Variants in MARCHF5 observed in about 807,000 individuals in gnomAD.
The protein encoded by MARCHF5 is membrane associated ring-CH-type finger 5.
Under a neutral mutation model 36.5 loss-of-function variants are expected in MARCHF5, and 5 were observed. That is an observed-to-expected ratio of 0.14 (90% CI 0.07 to 0.29). The LOEUF is 0.29. MARCHF5 is among the 10% of genes least tolerant of loss of function. The pLI, the probability that MARCHF5 is intolerant of heterozygous loss-of-function variation, is 1.00. For synonymous variants in MARCHF5, 103 were observed against 109.9 expected, an observed-to-expected ratio of 0.94 and a Z score of 0.39; for missense variants, 179 against 336.3, an observed-to-expected ratio of 0.53 and a Z score of 3.66.
intron 2 of MARCHF5, among the ~76,000 whole-genome samples, chr10:92,312,384 G>A (rs1000589806): frequency 6.6e-6 from 1 of 152,224 alleles, no homozygotes; most frequent in Non-Finnish European, 1.5e-5. Context: ...AGGGGAAGTA[G>A]TGTAGTAGAG....
At chr10:92,334,690 A>G (rs947987217) in intron 2 of MARCHF5, 1 of 152,218 alleles carries the variant, frequency 6.6e-6, no homozygotes, top group Non-Finnish European at 1.5e-5. Flanking sequence ...TATAAATTTT[A>G]ATTTATATTA....
chr10:92,291,288 C>G lies in MARCHF5; in HGVS notation c.-207C>G, dbSNP rs1448235950. The G allele has an allele frequency of 3.6e-6, 2 of 561,776 alleles. No homozygotes were observed. The highest frequency in any genetic ancestry group is 4.0e-5 in the African/African-American group (2 of 49,776). 34.8% of individuals were successfully genotyped at this position (561,776 alleles called of 1,614,324 possible). A position where few individuals can be genotyped will look rare whatever the true frequency, so the allele number is the denominator to read the frequency against. On this transcript the variant is annotated 5_prime_UTR_variant, in exon 1 of 6. Coordinates refer to ENST00000358935, the MANE Select transcript of MARCHF5 (RefSeq NM_017824.5). The stretch of plus-strand genomic sequence containing the variant: ...GCCGCCTCCCCGCCTCAGGCTCCTC[C>G]TCCTCGCTCTCCGCCGCCTCCGCCG...
rs563002192 is a variant in MARCHF5 at position 92,314,063 on chromosome 10, C to A, written c.238+2726C>A. Among the ~76,000 whole-genome samples the A allele has an allele frequency of 4.0e-4, 61 of 152,072 alleles. 1 individual carries two copies. The highest frequency in any genetic ancestry group is 3.9e-3 in the Admixed American group (59 of 15,266). On this transcript the variant is annotated intron_variant, in intron 2 of 5. Transcript: ENST00000358935. ...GAAAAAGAAAAAGAAAAAAAATTAG[C>A]CAAGTGTGATGGAGCACACCTGTTG...
At chr10:92,344,246 A>C (rs1030848144) in intron 3 of MARCHF5, among the ~76,000 whole-genome samples, 4 of 152,214 alleles carry the variant, frequency 2.6e-5, no homozygotes, top group African/African-American at 4.8e-5. Context: ...ACTGGAGAAC[A>C]GTTACAGGTT....
intron 3 of MARCHF5, among the ~76,000 whole-genome samples, chr10:92,345,401 A>G (rs2135218562): frequency 6.6e-6 from 1 of 152,224 alleles, no homozygotes; most frequent in Middle Eastern, 3.4e-3. Flanking sequence ...GCTACTCCGG[A>G]TGCTGAGGCG....
intron 1 of MARCHF5, among the ~76,000 whole-genome samples, chr10:92,310,189 C>G (rs1843127030): frequency 6.6e-6 from 1 of 152,208 alleles, no homozygotes; most frequent in East Asian, 1.9e-4. Flanking sequence ...CTGACAGAAG[C>G]CACTTATCCA....
chr10:92,351,165 A>G lies in MARCHF5; in HGVS notation c.795A>G (p.Ala265=), dbSNP rs371538248. 6.2e-7 allele frequency: 1 copy of G among 1,613,686 alleles called. No homozygotes were observed. The highest frequency in any genetic ancestry group is 1.7e-5 in the Admixed American group (1 of 59,984). ...AACAGCAGCAATATTTACGACAGGC[A>G]CACCGCAAAATTCTGAATTATCCAG... ...YFKQQQYLRQ[A]HRKILNYPEQ... is the part of the protein sequence containing the mutation. The change falls in exon 6 of 6, where the codon GCA becomes GCG. Residue 265 remains alanine (A), a synonymous_variant. Coordinates refer to ENST00000358935, the MANE Select transcript of MARCHF5 (RefSeq NM_017824.5).
Position 92,291,333 on chromosome 10 carries a change from C to T in MARCHF5, c.-162C>T, listed in dbSNP as rs1470392720. ...CCGCCGGACTCCCGCAGGCCCTGCA[C>T]CGCCGCCGCCAGGCTAGCGGAGCTG... On this transcript the variant is annotated 5_prime_UTR_variant, in exon 1 of 6. Coordinates refer to ENST00000358935, the MANE Select transcript of MARCHF5 (RefSeq NM_017824.5). The T allele has an allele frequency of 3.0e-6, 2 of 674,568 alleles. No homozygotes were observed. Among genetic ancestry groups the T allele is most frequent in the South Asian group, 1.7e-5 (1 of 59,574 alleles). The allele number at this position is 674,568 out of a possible 1,614,324, so 41.8% of individuals were successfully genotyped here. A position where few individuals can be genotyped will look rare whatever the true frequency, so the allele number is the denominator to read the frequency against.
chr10:92,337,932 G>A (rs932213347), intron 2 of MARCHF5, among the ~76,000 whole-genome samples: 1 of 151,914 alleles, frequency 6.6e-6, no homozygotes, highest in Non-Finnish European at 1.5e-5. Context: ...CTAGCACTTT[G>A]GGAAACTGAA....
In MARCHF5 at chr10:92,349,813, C is replaced by T. The variant is rs1332023849; in HGVS notation, c.696C>T (p.Asn232=). 1 of 1,613,076 alleles carries T rather than the reference C, an allele frequency of 6.2e-7. No homozygotes were observed. Among genetic ancestry groups the T allele is most frequent in the Non-Finnish European group, 8.5e-7 (1 of 1,179,496 alleles). Residue 232 remains asparagine (N), a synonymous_variant, in exon 5 of 6, where the codon AAC becomes AAT. Coordinates refer to ENST00000358935, the MANE Select transcript of MARCHF5 (RefSeq NM_017824.5). ...GTAAATTGATGTTCAGTAGTGTTAA[C>T]TCTAATTTACAAAGGACAATCTTGG... ...IVGKLMFSSV[N]SNLQRTILGG... is the part of the protein sequence containing the mutation.
chr10:92,296,528 C>T (rs544293730), intron 1 of MARCHF5, among the ~76,000 whole-genome samples: 1 of 152,240 alleles, frequency 6.6e-6, no homozygotes, highest in Non-Finnish European at 1.5e-5. Context: ...TTACAGAGAA[C>T]AATGCAAAGA....
chr10:92,319,874 G>A (rs1384452282), intron 2 of MARCHF5, among the ~76,000 whole-genome samples: 1 of 148,190 alleles, frequency 6.7e-6, no homozygotes, highest in African/African-American at 2.5e-5. Flanking sequence ...GGCTGGTCTC[G>A]AGCTTCTGAC....
At chr10:92,332,767 C>T (rs7922644) in intron 2 of MARCHF5, among the ~76,000 whole-genome samples, 5,687 of 151,886 alleles carry the variant, frequency 0.037, 332 homozygotes, top group African/African-American at 0.13. Flanking sequence ...GATCCACCTG[C>T]CTCAGCCTCC....
At chr10:92,349,052 GAA>G (rs1023346398) in intron 3 of MARCHF5, among the ~76,000 whole-genome samples, 1 of 152,072 alleles carries the variant, frequency 6.6e-6, no homozygotes, top group Non-Finnish European at 1.5e-5. Context: ...TCAAATAAAG[GAA>G]TAGAAGCAAC....
At chr10:92,343,597 T>G (rs960442489) in intron 3 of MARCHF5, among the ~76,000 whole-genome samples, 8 of 152,218 alleles carry the variant, frequency 5.3e-5, no homozygotes, top group African/African-American at 1.9e-4. Context: ...GAGACAGAGT[T>G]TCGCTCTTGT....
intron 1 of MARCHF5, among the ~76,000 whole-genome samples, chr10:92,304,851 A>G (rs1219892696): frequency 6.6e-6 from 1 of 152,052 alleles, no homozygotes; most frequent in Non-Finnish European, 1.5e-5. Context: ...CTTTGCAACA[A>G]CTCTGTGAAA....
At chr10:92,318,165 A>G (rs1843237103) in intron 2 of MARCHF5, among the ~76,000 whole-genome samples, 1 of 151,794 alleles carries the variant, frequency 6.6e-6, no homozygotes, top group African/African-American at 2.4e-5. Flanking sequence ...CGTGGCTCAT[A>G]CCTGTAATCC....
intron 1 of MARCHF5, among the ~76,000 whole-genome samples, chr10:92,297,697 T>C (rs1842963808): frequency 6.6e-6 from 1 of 151,596 alleles, no homozygotes; most frequent in Non-Finnish European, 1.5e-5. Context: ...TTCACTGTGT[T>C]GGCCAGACTG....
intron 1 of MARCHF5, among the ~76,000 whole-genome samples, chr10:92,297,740 T>A (rs1444631126): frequency 2.0e-5 from 3 of 151,782 alleles, no homozygotes; most frequent in African/African-American, 7.3e-5. Context: ...TCCACCTGCC[T>A]CGGCCTCCCA....
Sources: gnomAD v4.1 joint callset for allele counts (sites outside exome capture counted in the v4.1 genomes callset) on GRCh38, gnomAD v4.1.1 for gene constraint, MANE v1.5 for transcripts, NCBI Gene and HGNC (gene_info 2026-07-23, HGNC 2026-07-21) for gene names.